RAD54B: variants seen among roughly 807,000 people sequenced by gnomAD.
RAD54B encodes DNA repair and recombination protein RAD54B.
A neutral mutation model predicts 95.8 loss-of-function variants in RAD54B; 78 were observed. The ratio of observed to expected loss-of-function variants is 0.81; its 90% CI spans 0.68 to 0.98. RAD54B has a LOEUF of 0.98. RAD54B is among the 50% of genes least tolerant of loss of function. The pLI is 0.00. For synonymous variants in RAD54B, 328 were observed against 354.9 expected (o/e 0.92, Z 0.85); for missense variants, 957 against 1,056.6 (o/e 0.91, Z 1.31).
intron 11 of RAD54B, among the ~76,000 whole-genome samples, chr8:94,385,354 A>ATTTTTTCTCTG (rs1272174008): frequency 0.037 from 2,215 of 59,218 alleles, 49 homozygotes; most frequent in African/African-American, 0.11. Context: ...TCAGAGAAAA[A>ATTTTTTCTCTG]AAAAAGTCCA....
At chr8:94,409,630 T>G (rs1811479969) in intron 4 of RAD54B, among the ~76,000 whole-genome samples, 1 of 152,106 alleles carries the variant, frequency 6.6e-6, no homozygotes, top group African/African-American at 2.4e-5. Context: ...CCTCCCAAAG[T>G]GCTGAGATTA....
intron 2 of RAD54B, among the ~76,000 whole-genome samples, chr8:94,460,503 C>T (rs899828731): frequency 6.6e-6 from 1 of 152,188 alleles, no homozygotes; most frequent in Non-Finnish European, 1.5e-5. Context: ...ATCAGTCATA[C>T]ATTTTCAATT....
intron 6 of RAD54B, 105 bp downstream of exon 6, chr8:94,403,972 G>A: frequency 1.1e-6 from 1 of 875,078 alleles, no homozygotes; most frequent in South Asian, 2.3e-5. Context: ...AATTCATAGT[G>A]TACCCTCAGG....
chr8:94,442,975 T>C (rs1404764326), intron 3 of RAD54B, among the ~76,000 whole-genome samples: 1 of 152,160 alleles, frequency 6.6e-6, no homozygotes, highest in Non-Finnish European at 1.5e-5. Flanking sequence ...CCCTTCCTAG[T>C]CACTAAACCT....
At position 94,378,520 on chromosome 8, in the gene RAD54B, T is replaced by G. The variant is rs1475373377; in HGVS notation, c.2314+48A>C. The G allele has an allele frequency of 3.3e-6, 5 of 1,504,104 alleles. No homozygotes were observed. In the Admixed American group the frequency reaches 1.0e-4, roughly 30 times the overall value. The allele number at this position is 1,504,104 out of a possible 1,614,324, so 93.2% of individuals were successfully genotyped here. On this transcript the variant is annotated intron_variant, in intron 13 of 14. Transcript: ENST00000336148. ...AAGCACAGGCTAACAAAAAATAATT[T>G]TAATTATTCAAAGAGTATACATTTT...
chr8:94,383,284 C>CA (rs34552024), intron 11 of RAD54B, among the ~76,000 whole-genome samples: 7,419 of 82,958 alleles, frequency 0.089, 866 homozygotes, highest in African/African-American at 0.21. Flanking sequence ...GACTCCATCT[C>CA]AAAAAAAAAA....
chr8:94,456,661 C>T (rs1812786728), intron 3 of RAD54B, among the ~76,000 whole-genome samples: 1 of 152,076 alleles, frequency 6.6e-6, no homozygotes, highest in Middle Eastern at 3.2e-3. Context: ...GGGAAAATGA[C>T]ATATGTTATT....
At position 94,378,224 on chromosome 8, in the gene RAD54B, T is replaced by C. The variant is rs143182528; in HGVS notation, c.2471A>G (p.His824Arg). 1.9e-5 allele frequency: 30 copies of C among 1,612,982 alleles called. No homozygotes were observed. The African/African-American group carries it at 3.3e-4, about 18-fold the overall frequency. The change falls in exon 14 of 15, where the codon CAT (histidine) becomes CGT (arginine). Residue 824 changes from histidine (H) to arginine (R), a missense_variant. Coordinates refer to ENST00000336148, the MANE Select transcript of RAD54B (RefSeq NM_012415.3). Reference sequence around the variant, plus strand: ...TGTACACTCACAGTCAAGCAGATCATGAGTAACACAATCTGAACTTTCATG... The same window carrying C: ...TGTACACTCACAGTCAAGCAGATCACGAGTAACACAATCTGAACTTTCATG... The part of the protein sequence containing the change: ...TLHESSDCVT[H>R]DLLDCECTGE...
At chr8:94,415,052 T>C (rs953302977) in intron 3 of RAD54B, among the ~76,000 whole-genome samples, 2 of 151,680 alleles carry the variant, frequency 1.3e-5, no homozygotes, top group African/African-American at 2.4e-5. Flanking sequence ...AGAGCCCGCA[T>C]TGCCAAGTCA....
At chr8:94,404,568 A>T (rs1171923147) in intron 5 of RAD54B, among the ~76,000 whole-genome samples, 3 of 152,198 alleles carry the variant, frequency 2.0e-5, no homozygotes, top group Admixed American at 2.0e-4. Context: ...GAGCAAAGAG[A>T]ACTATTTCCA....
At chr8:94,458,682 C>T (rs1184253811) in intron 2 of RAD54B, among the ~76,000 whole-genome samples, 2 of 152,108 alleles carry the variant, frequency 1.3e-5, no homozygotes, top group Non-Finnish European at 2.9e-5. Flanking sequence ...GCCTGGCCAA[C>T]ATGGTGAAAC....
intron 8 of RAD54B, among the ~76,000 whole-genome samples, chr8:94,396,407 CTTTGTTTTTTGG>C (rs1333056398): frequency 6.6e-6 from 1 of 150,688 alleles, no homozygotes; most frequent in Non-Finnish European, 1.5e-5. Flanking sequence ...AAAGCTTTTT[CTTTGTTTTTTGG>C]TTTGTTTTTT....
intron 3 of RAD54B, among the ~76,000 whole-genome samples, chr8:94,448,094 T>C (rs1453250082): frequency 6.6e-6 from 1 of 152,218 alleles, no homozygotes; most frequent in Non-Finnish European, 1.5e-5. Flanking sequence ...AAATTACCAC[T>C]TCTCTGACAT....
chr8:94,385,899 G>T (rs7813379), intron 11 of RAD54B, among the ~76,000 whole-genome samples: 1 of 152,208 alleles, frequency 6.6e-6, no homozygotes, highest in Admixed American at 6.5e-5. Context: ...TGGTATGTGT[G>T]AAGGAGTGAT....
At chr8:94,420,747 GGCTAA>G (rs1374930051) in intron 3 of RAD54B, among the ~76,000 whole-genome samples, 2 of 152,088 alleles carry the variant, frequency 1.3e-5, no homozygotes, top group Non-Finnish European at 2.9e-5. Context: ...CACTTTGGGA[GGCTAA>G]GGTGGGCGGA....
At chr8:94,381,939 C>T (rs911922058) in intron 11 of RAD54B, among the ~76,000 whole-genome samples, 1 of 151,966 alleles carries the variant, frequency 6.6e-6, no homozygotes, top group Non-Finnish European at 1.5e-5. Flanking sequence ...CGGTGAAACC[C>T]CGTCTCTACT....
intron 14 of RAD54B, among the ~76,000 whole-genome samples, chr8:94,374,226 C>G (rs552071659): frequency 6.6e-6 from 1 of 151,768 alleles, no homozygotes; most frequent in Non-Finnish European, 1.5e-5. Flanking sequence ...TGGCAGTGAG[C>G]CGAGATAGCG....
At chr8:94,405,617 T>A (rs959304880) in intron 5 of RAD54B, among the ~76,000 whole-genome samples, 2 of 152,180 alleles carry the variant, frequency 1.3e-5, no homozygotes, top group Non-Finnish European at 2.9e-5. Flanking sequence ...TTGGCTTTCC[T>A]CTATATCACT....
At chr8:94,453,613 G>A (rs1483968397) in intron 3 of RAD54B, among the ~76,000 whole-genome samples, 1 of 152,128 alleles carries the variant, frequency 6.6e-6, no homozygotes, top group African/African-American at 2.4e-5. Flanking sequence ...AAAATGCAAT[G>A]TATAGAACAA....
Sources: gnomAD v4.1 joint callset for allele counts (sites outside exome capture counted in the v4.1 genomes callset) on GRCh38, gnomAD v4.1.1 for gene constraint, MANE v1.5 for transcripts, NCBI Gene and HGNC (gene_info 2026-07-23, HGNC 2026-07-21) for gene names.